The following FBXL19 variants were observed in gnomAD, a reference collection of about 807,000 sequenced individuals.
FBXL19 encodes F-box/LRR-repeat protein 19.
FBXL19 carries 16 observed loss-of-function variants against 71.2 expected under a neutral mutation model. The ratio of observed to expected loss-of-function variants is 0.22; its 90% CI spans 0.15 to 0.34. FBXL19 has a LOEUF of 0.34. Ranked by LOEUF, FBXL19 falls within the 10% of genes least tolerant of loss-of-function variation. FBXL19 has a pLI of 1.00. For synonymous variants in FBXL19, 447 were observed against 409.4 expected (o/e 1.09, Z -1.11); for missense variants, 658 against 968.2 (o/e 0.68, Z 4.25).
At chr16:30,931,476 C>T (rs929318335) in intron 7 of FBXL19, among the ~76,000 whole-genome samples, 8 of 152,198 alleles carry the variant, frequency 5.3e-5, no homozygotes, top group African/African-American at 1.2e-4. Context: ...CCCAGGGACT[C>T]GCTGTGGCTG....
chr16:30,932,144 T>A (rs2055681760), intron 7 of FBXL19, among the ~76,000 whole-genome samples: 1 of 152,210 alleles, frequency 6.6e-6, no homozygotes, highest in Admixed American at 6.5e-5. Context: ...TAGTGTTTTC[T>A]TGAGCTAATA....
At position 30,923,679 on chromosome 16, in the gene FBXL19, C is replaced by T. The variant is rs2055553007; in HGVS notation, c.-805C>T. On this transcript the variant is annotated 5_prime_UTR_variant, in exon 1 of 11. Transcript: ENST00000338343. ...GACCAGGGGGGCTGAGACACCCCAA[C>T]TGCCCCCTTCCCCTTTCCCTCTCCC... Among the ~76,000 whole-genome samples, 1 of 151,794 alleles carries T rather than the reference C, an allele frequency of 6.6e-6. No homozygotes were observed.
chr16:30,928,454 C>T lies in FBXL19; in HGVS notation c.628-13C>T, dbSNP rs747754317. Reference sequence around the variant, plus strand: ...TCTCTCCCTTCCTCCATATCTCCCTCTCACCCTGGTAGGTGAAAGGAGGCC... The same window carrying T: ...TCTCTCCCTTCCTCCATATCTCCCTTTCACCCTGGTAGGTGAAAGGAGGCC... On this transcript the variant is annotated splice_polypyrimidine_tract_variant and intron_variant, in intron 5 of 10. Coordinates refer to ENST00000338343, the MANE Select transcript of FBXL19 (RefSeq NM_001382779.1). 8.6e-5 allele frequency: 134 copies of T among 1,557,794 alleles called. No individual in the cohort carries two copies. The highest frequency in any genetic ancestry group is 1.1e-4 in the Non-Finnish European group (131 of 1,151,284).
chr16:30,934,512 G>A (rs952737735), intron 7 of FBXL19, among the ~76,000 whole-genome samples: 7 of 152,046 alleles, frequency 4.6e-5, no homozygotes, highest in African/African-American at 1.7e-4. Flanking sequence ...ACAAAAATTA[G>A]CTGGGCATGG....
chr16:30,935,437 T>TAAGAGTG (rs563474876), intron 7 of FBXL19, among the ~76,000 whole-genome samples: 2 of 151,974 alleles, frequency 1.3e-5, no homozygotes, highest in African/African-American at 4.8e-5. Flanking sequence ...AGTGATCCCT[T>TAAGAGTG]AAGAGTGAAG....
At chr16:30,936,659 G>T (rs1045982847) in intron 7 of FBXL19, among the ~76,000 whole-genome samples, 1 of 147,684 alleles carries the variant, frequency 6.8e-6, no homozygotes, top group Non-Finnish European at 1.5e-5. Flanking sequence ...TGTTAGCCAG[G>T]ATGGTCTCGA....
chr16:30,926,989 C>T (rs959298807), intron 2 of FBXL19, among the ~76,000 whole-genome samples: 1 of 152,200 alleles, frequency 6.6e-6, no homozygotes, highest in African/African-American at 2.4e-5. Context: ...TTCAGGGTCC[C>T]ACTGGCCCTG....
rs1173041902 is a variant in FBXL19 at position 30,930,620 on chromosome 16, G to A, written c.1301+36G>A. The A allele has an allele frequency of 1.1e-5, 16 of 1,402,826 alleles. No homozygotes were observed. In the South Asian group the frequency reaches 2.3e-4, roughly 20 times the overall value. The allele number at this position is 1,402,826 out of a possible 1,614,324, so 86.9% of individuals were successfully genotyped here. On this transcript the variant is annotated intron_variant, in intron 7 of 10. Transcript: ENST00000338343. This position sits in a 1 kb window ranked among gnomAD's most constrained non-coding sequence, Gnocchi z 8.5. ...TGGACAGGCCTGCGTTCCGTGGCCA[G>A]CAGGCTTCCCGCTTGCTGGGTGACC...
intron 7 of FBXL19, among the ~76,000 whole-genome samples, chr16:30,934,004 C>T (rs1038078029): frequency 1.3e-5 from 2 of 151,632 alleles, no homozygotes; most frequent in African/African-American, 2.4e-5. Flanking sequence ...CCACCCGCCT[C>T]GGCCTCCCAA....
At chr16:30,944,317 C>G (rs1224389017) in intron 9 of FBXL19, among the ~76,000 whole-genome samples, 1 of 150,986 alleles carries the variant, frequency 6.6e-6, no homozygotes, top group Non-Finnish European at 1.5e-5. Flanking sequence ...GGTATTAAGT[C>G]TATTTACCAT....
At chr16:30,940,945 A>C (rs1166860057) in intron 7 of FBXL19, among the ~76,000 whole-genome samples, 2 of 151,994 alleles carry the variant, frequency 1.3e-5, no homozygotes, top group Non-Finnish European at 2.9e-5. Flanking sequence ...CTGGGATTAC[A>C]GGTGTGAGCC....
At position 30,930,828 on chromosome 16, in the gene FBXL19, T is replaced by G. The variant is rs2055664680; in HGVS notation, c.1301+244T>G. Among the ~76,000 whole-genome samples the G allele has an allele frequency of 6.6e-6, 1 of 152,188 alleles. No individual in the cohort carries two copies. The highest frequency in any genetic ancestry group is 1.5e-5 in the Non-Finnish European group (1 of 68,030). ...TATTTTCCCCTTTTTCAGATGAAGC[T>G]GAGGCCCAAGGTCATGTGGAAGAGA... On this transcript the variant is annotated intron_variant, in intron 7 of 10. Coordinates refer to ENST00000338343, the MANE Select transcript of FBXL19 (RefSeq NM_001382779.1). The surrounding 1 kb of genome is among the most constrained non-coding windows in gnomAD (Gnocchi z 8.5).
rs1411530772 is a variant in FBXL19, at chr16:30,930,181, G to A, written c.898G>A (p.Val300Met). ...FKRMCQLLERVPDTSSSSSDS... is the reference protein window; with the variant it reads ...FKRMCQLLERMPDTSSSSSDS... Reference sequence around the variant, plus strand: ...GCGGATGTGCCAGCTGCTGGAACGGGTGCCTGACACCTCCTCTTCCTCCTC... The same window carrying A: ...GCGGATGTGCCAGCTGCTGGAACGGATGCCTGACACCTCCTCTTCCTCCTC... The change falls in exon 7 of 11, where the codon GTG becomes ATG. Residue 300 changes from valine to methionine, a missense_variant. This residue lies in a region of FBXL19 where 447 missense variants were observed against 515.4 expected (regional missense o/e 0.87). Coordinates refer to ENST00000338343, the MANE Select transcript of FBXL19 (RefSeq NM_001382779.1). This position sits in a 1 kb window ranked among gnomAD's most constrained non-coding sequence, Gnocchi z 8.5. 1.2e-6 allele frequency: 2 copies of A among 1,613,330 alleles called. No individual in the cohort carries two copies. The highest frequency in any genetic ancestry group is 1.1e-5 in the South Asian group (1 of 91,090).
intron 7 of FBXL19, among the ~76,000 whole-genome samples, chr16:30,931,984 G>T (rs528161399): frequency 1.3e-5 from 2 of 149,900 alleles, no homozygotes; most frequent in Admixed American, 6.7e-5. Flanking sequence ...GAAGCGATCC[G>T]CCCGCCTCAG....
upstream of FBXL19, among the ~76,000 whole-genome samples, chr16:30,923,537 A>AGGAGGGAAGGAGGAG (rs2055549965): frequency 1.6e-5 from 1 of 61,138 alleles, no homozygotes; most frequent in East Asian, 6.2e-4. Flanking sequence ...GAGGAGGAGG[A>AGGAGGGAAGGAGGAG]GGAGGGAAGG....
chr16:30,923,326 G>T, upstream of FBXL19: 2 of 415,236 alleles, frequency 4.8e-6, no homozygotes, highest in South Asian at 3.4e-5. Flanking sequence ...CTCGGCTCCC[G>T]GCTGGGCACG....
chr16:30,930,382 G>C lies in FBXL19; in HGVS notation c.1099G>C (p.Gly367Arg). The stretch of plus-strand genomic sequence containing the variant: ...GGGGCCCCTACTCAGCTGGCCCCTG[G>C]GCCCAGCCCCACCACCCCGGCCTCC... ...SGGPLLSWPL[G>R]PAPPPRPPQL... The change falls in exon 7 of 11, where the codon GGC becomes CGC. Residue 367 changes from glycine to arginine, a missense_variant. Around this residue, in one of 8 missense-constraint regions of FBXL19, gnomAD observed 447 missense variants for 515.4 expected, o/e 0.87. Transcript: ENST00000338343. The surrounding 1 kb of genome is among the most constrained non-coding windows in gnomAD (Gnocchi z 8.5). 2 of 1,543,778 alleles carry C rather than the reference G, an allele frequency of 1.3e-6. No homozygotes were observed. The highest frequency in any genetic ancestry group is 1.7e-6 in the Non-Finnish European group (2 of 1,150,740).
intron 6 of FBXL19, among the ~76,000 whole-genome samples, chr16:30,929,537 C>T: frequency 6.6e-6 from 1 of 152,104 alleles, no homozygotes; most frequent in Non-Finnish European, 1.5e-5. Context: ...GCCATGCAAA[C>T]CCATAAGGGC....
intron 7 of FBXL19, among the ~76,000 whole-genome samples, chr16:30,936,558 T>C (rs2055735721): frequency 6.7e-6 from 1 of 150,350 alleles, no homozygotes; most frequent in Admixed American, 6.6e-5. Flanking sequence ...CCTGAGTAAC[T>C]GGGACTACAG....
Sources: allele counts gnomAD v4.1 joint callset (sites outside exome capture counted in the v4.1 genomes callset), GRCh38; gene constraint gnomAD v4.1.1; regional missense constraint gnomAD v4.1.1; non-coding constraint Gnocchi (gnomAD v3.1); transcripts MANE v1.5; gene names NCBI Gene and HGNC (gene_info 2026-07-23, HGNC 2026-07-21).